Variants in CEP57L1 observed in about 807,000 individuals in gnomAD.
The protein encoded by CEP57L1 is centrosomal protein CEP57L1.
CEP57L1 carries 37 observed loss-of-function variants against 61.0 expected under a neutral mutation model. The ratio of observed to expected loss-of-function variants is 0.61; its 90% confidence interval spans 0.47 to 0.80. The LOEUF (loss-of-function observed/expected upper bound fraction) is 0.80, where lower values mean the gene tolerates loss of function less well. CEP57L1 is among the 30% of genes least tolerant of loss of function. CEP57L1 has a pLI of 0.00. For synonymous variants in CEP57L1, 137 were observed against 162.3 expected (o/e 0.84, Z 1.19); for missense variants, 422 against 524.7 (o/e 0.80, Z 1.91).
chr6:109,124,339 G>A (rs969314066), intron 1 of CEP57L1, among the ~76,000 whole-genome samples: 19 of 152,116 alleles, frequency 1.2e-4, no homozygotes, highest in Admixed American at 1.0e-3. Context: ...GGCACTATAC[G>A]ACTTTCCAGC....
At chr6:109,099,866 T>C (rs1356369465) in intron 1 of CEP57L1, among the ~76,000 whole-genome samples, 1 of 152,132 alleles carries the variant, frequency 6.6e-6, no homozygotes, top group Non-Finnish European at 1.5e-5. Context: ...TTTTATTTAG[T>C]AGAGTATGGG....
At chr6:109,109,618 G>A (rs137948199) in intron 1 of CEP57L1, among the ~76,000 whole-genome samples, 184 of 152,284 alleles carry the variant, frequency 1.2e-3, no homozygotes, top group African/African-American at 4.2e-3. Flanking sequence ...GTATACACAT[G>A]CCATGTTGGT....
intron 1 of CEP57L1, among the ~76,000 whole-genome samples, chr6:109,142,224 A>G (rs954433476): frequency 6.6e-6 from 1 of 152,192 alleles, no homozygotes; most frequent in African/African-American, 2.4e-5. Context: ...ATGCCCATCA[A>G]TGATAGACTA....
At chr6:109,116,426 C>T (rs1177591004) in intron 1 of CEP57L1, among the ~76,000 whole-genome samples, 2 of 152,180 alleles carry the variant, frequency 1.3e-5, no homozygotes, top group Non-Finnish European at 2.9e-5. Context: ...ATCTGCCCAA[C>T]TTGGCCTCCC....
intron 1 of CEP57L1, among the ~76,000 whole-genome samples, chr6:109,115,041 CTAAAT>C (rs1309909111): frequency 2.6e-5 from 4 of 151,952 alleles, no homozygotes; most frequent in East Asian, 3.9e-4. Flanking sequence ...GTTAAAGCAA[CTAAAT>C]TAATCAGATA....
At chr6:109,151,243 G>A (rs1274608492) in intron 4 of CEP57L1, among the ~76,000 whole-genome samples, 1 of 152,094 alleles carries the variant, frequency 6.6e-6, no homozygotes, top group East Asian at 1.9e-4. Flanking sequence ...AGGAACTAGA[G>A]AATTTAATTC....
chr6:109,120,052 G>A (rs1449178930), intron 1 of CEP57L1, among the ~76,000 whole-genome samples: 2 of 152,106 alleles, frequency 1.3e-5, no homozygotes, highest in African/African-American at 4.8e-5. Context: ...TGCTTACTGT[G>A]CACTAAGCTC....
At chr6:109,155,481 G>A (rs1773126044) in intron 6 of CEP57L1, among the ~76,000 whole-genome samples, 174 bp downstream of exon 6, 1 of 151,842 alleles carries the variant, frequency 6.6e-6, no homozygotes, top group African/African-American at 2.4e-5. Context: ...GTATTACCAA[G>A]AGGTCTTTTT....
chr6:109,153,231 CTTTTTTTTTTTTTTTTTT>C (rs34538762), intron 4 of CEP57L1, among the ~76,000 whole-genome samples: 1 of 79,000 alleles, frequency 1.3e-5, no homozygotes, highest in Non-Finnish European at 2.6e-5. Flanking sequence ...CTAATCTGCA[CTTTTTTTTTTTTTTTTTT>C]TTTTTTTTTT....
intron 1 of CEP57L1, among the ~76,000 whole-genome samples, chr6:109,114,727 A>C (rs1772080727): frequency 6.6e-6 from 1 of 152,152 alleles, no homozygotes; most frequent in Non-Finnish European, 1.5e-5. Flanking sequence ...GTGGACAGGG[A>C]AAGGGAAGAT....
At chr6:109,118,435 G>T (rs1772561545) in intron 1 of CEP57L1, among the ~76,000 whole-genome samples, 1 of 152,128 alleles carries the variant, frequency 6.6e-6, no homozygotes, top group South Asian at 2.1e-4. Context: ...TGTTCCTCAT[G>T]TTAATACCTT....
At position 109,153,603 on chromosome 6, in the gene CEP57L1, A is replaced by T. The variant is rs146564108; in HGVS notation, c.463-230A>T. ...GTTTGATTTTCAGAAAAAAAAAATTAAATTTAAATTTTAAAAATTATGACT... is the reference window on the plus strand; with the variant it reads ...GTTTGATTTTCAGAAAAAAAAAATTTAATTTAAATTTTAAAAATTATGACT... On this transcript the variant is annotated intron_variant, in intron 4 of 10. Coordinates refer to ENST00000517392, the MANE Select transcript of CEP57L1 (RefSeq NM_001271852.3). Among the ~76,000 whole-genome samples, 1,146 of 152,196 alleles carry T rather than the reference A, an allele frequency of 7.5e-3. 17 individuals are homozygous for T. Among genetic ancestry groups the T allele is most frequent in the African/African-American group, 0.026 (1,097 of 41,542 alleles).
chr6:109,101,899 G>A (rs1251797652), intron 1 of CEP57L1, among the ~76,000 whole-genome samples: 4 of 152,176 alleles, frequency 2.6e-5, no homozygotes, highest in African/African-American at 7.2e-5. Flanking sequence ...GATTATAGGC[G>A]TGAGCCACCG....
Position 109,169,226 on chromosome 6 carries a change from C to CAAAAA in CEP57L1, c.*6273_*6277dup, listed in dbSNP as rs202070350. On this transcript the variant is annotated 3_prime_UTR_variant, in exon 11 of 11. Transcript: ENST00000517392. ...GAGCAGCAGAGTGAGGCTCCATCAG[C>CAAAAA]AAAAAAAAAAAAAAAAAAAAAGATC... 2.6e-3 allele frequency among the ~76,000 whole-genome samples: 174 copies of CAAAAA among 67,474 alleles called. 4 individuals carry two copies. Among genetic ancestry groups the CAAAAA allele is most frequent in the Non-Finnish European group, 2.9e-3 (105 of 35,604 alleles). The allele number at this position is 67,474 out of a possible 152,430, so 44.3% of individuals were successfully genotyped here.
chr6:109,128,807 T>G (rs1013572812), intron 1 of CEP57L1, among the ~76,000 whole-genome samples: 1 of 152,236 alleles, frequency 6.6e-6, no homozygotes, highest in Admixed American at 6.5e-5. Flanking sequence ...TTCGTGTTCC[T>G]GCTAAACCTC....
intron 1 of CEP57L1, 21 bp from the exon 2 acceptor site, chr6:109,145,198 T>TTATAC: frequency 6.8e-7 from 1 of 1,466,148 alleles, no homozygotes; most frequent in South Asian, 1.4e-5. Context: ...TGATACTATA[T>TTATAC]CATTCCTTTA....
rs76004902 is a variant in CEP57L1 at position 109,147,169 on chromosome 6, A to G, written c.340+232A>G. The stretch of plus-strand genomic sequence containing the variant: ...ATAAATTCTAGAAATTAAAGGAAAA[A>G]TTAAGATTTTAGACAAGTTGTGTTT... On this transcript the variant is annotated intron_variant, in intron 3 of 10. Transcript: ENST00000517392. 7.9e-3 allele frequency among the ~76,000 whole-genome samples: 1,199 copies of G among 152,242 alleles called. 19 individuals carry two copies. The highest frequency in any genetic ancestry group is 0.028 in the African/African-American group (1,152 of 41,570).
chr6:109,167,896 TCTCAAAATA>T lies in CEP57L1; in HGVS notation c.*4929_*4937del, dbSNP rs962807326. Among the ~76,000 whole-genome samples, 4 of 152,334 alleles carry T rather than the reference TCTCAAAATA, an allele frequency of 2.6e-5. No individual in the cohort carries two copies. Among genetic ancestry groups the T allele is most frequent in the African/African-American group, 7.2e-5 (3 of 41,576 alleles). On this transcript the variant is annotated 3_prime_UTR_variant, in exon 11 of 11. Transcript: ENST00000517392. ...GTATTTATTGATCTCTAATTATTGA[TCTCAAAATA>T]CTGTATTAGCTACTATGGAATTCCG...
At chr6:109,162,480 A>C (rs919742682) in intron 10 of CEP57L1, among the ~76,000 whole-genome samples, 1 of 152,016 alleles carries the variant, frequency 6.6e-6, no homozygotes, top group Non-Finnish European at 1.5e-5. Context: ...GGCTCAGAGT[A>C]TTCTCTAGTT....
Sources: allele counts gnomAD v4.1 joint callset (sites outside exome capture counted in the v4.1 genomes callset), GRCh38; gene constraint gnomAD v4.1.1; transcripts MANE v1.5; gene names NCBI Gene and HGNC (gene_info 2026-07-23, HGNC 2026-07-21).